TAF1: variants seen among roughly 807,000 people sequenced by gnomAD.
TAF1 encodes the protein TATA-box binding protein associated factor 1.
TAF1 carries 2 observed loss-of-function variants against 138.5 expected under a neutral mutation model. The observed-to-expected ratio is 0.01, with a 90% CI of 0.01 to 0.05. The LOEUF (loss-of-function observed/expected upper bound fraction) is 0.05, where lower values mean the gene tolerates loss of function less well. TAF1 is among the 10% of genes least tolerant of loss of function. The pLI is 1.00. For synonymous variants in TAF1, 437 were observed against 503.2 expected, an observed-to-expected ratio of 0.87 and a Z score of 1.76; for missense variants, 709 against 1,478.0, an observed-to-expected ratio of 0.48 and a Z score of 8.53.
chrX:71,440,552 A>G (rs1469458684), intron 32 of TAF1, among the ~76,000 whole-genome samples: 3 of 108,886 alleles, frequency 2.8e-5, no homozygotes, highest in African/African-American at 1.0e-4. Flanking sequence ...TGGCATTGTA[A>G]TAAGGCTTGA....
At chrX:71,402,023 T>A (rs941506928) in intron 25 of TAF1, among the ~76,000 whole-genome samples, 1 of 112,293 alleles carries the variant, frequency 8.9e-6, no homozygotes, top group African/African-American at 3.2e-5. Flanking sequence ...TGAGACAGAC[T>A]ACAAAGCATA....
At chrX:71,428,905 T>C (rs996123145) in intron 32 of TAF1, among the ~76,000 whole-genome samples, 24 of 111,768 alleles carry the variant, frequency 2.1e-4, no homozygotes, top group Non-Finnish European at 4.0e-4. Context: ...GTGATAATAG[T>C]GGTTATTTCT....
intron 8 of TAF1, among the ~76,000 whole-genome samples, chrX:71,379,516 A>G (rs2033723689): frequency 9.2e-6 from 1 of 109,248 alleles, no homozygotes; most frequent in African/African-American, 3.3e-5. Flanking sequence ...CTCAACCTGG[A>G]GGAAGATAGT....
At chrX:71,375,720 C>T (rs1052199766) in intron 4 of TAF1, among the ~76,000 whole-genome samples, 11 of 112,009 alleles carry the variant, frequency 9.8e-5, no homozygotes, top group African/African-American at 2.9e-4. Flanking sequence ...GCAACCTCCG[C>T]CTCCCGGGTT....
intron 24 of TAF1, 146 bp downstream of exon 24, chrX:71,398,883 G>A: frequency 1.2e-6 from 1 of 837,894 alleles, no homozygotes; most frequent in Non-Finnish European, 1.6e-6. Context: ...ACTTGGGGGT[G>A]TTCTCAATAC....
rs1266396617 is a variant in TAF1 at position 71,454,762 on chromosome X, C to T, written c.4843C>T (p.Leu1615Phe). The change falls in exon 34 of 38, where the codon CTT (leucine) becomes TTT (phenylalanine). Residue 1615 changes from leucine (L) to phenylalanine (F), a missense_variant. By Grantham distance (22) the Leu-to-Phe change is conservative. Around this residue, in one of 14 missense-constraint regions of TAF1, gnomAD observed 6 missense variants for 30.2 expected, o/e 0.20. Coordinates refer to ENST00000423759, the MANE Select transcript of TAF1 (RefSeq NM_004606.5). ...LTEYDEHLTQ[L>F]EKDICTAKEA... is the part of the protein sequence containing the mutation. ...TCAGTATGATGAACATTTGACTCAA[C>T]TTGAGAAGGATATTTGTACTGCTAA... is the stretch of plus-strand genomic sequence containing the variant. 8.3e-7 allele frequency: 1 copy of T among 1,208,542 alleles called. No individual in the cohort carries two copies. The highest frequency in any genetic ancestry group is 2.2e-5 in the Admixed American group (1 of 45,355).
At chrX:71,450,089 T>A (rs909721951) in intron 32 of TAF1, among the ~76,000 whole-genome samples, 5 of 112,122 alleles carry the variant, frequency 4.5e-5, no homozygotes. Flanking sequence ...TCTTGACAAT[T>A]GACTTTTCTT....
intron 13 of TAF1, among the ~76,000 whole-genome samples, chrX:71,503,666 C>T (rs918465981): frequency 9.1e-6 from 1 of 109,704 alleles, no homozygotes; most frequent in East Asian, 2.9e-4. Flanking sequence ...AAATCCTTCA[C>T]GGAGAATGCT....
chrX:71,372,724 T>C (rs1365084093), intron 3 of TAF1, among the ~76,000 whole-genome samples: 1 of 111,282 alleles, frequency 9.0e-6, no homozygotes, highest in East Asian at 2.8e-4. Context: ...GCTTGCATTC[T>C]GATTTTGTCA....
At position 71,366,486 on chromosome X, in the gene TAF1, T is replaced by G; in HGVS notation, c.112T>G (p.Leu38Val). ...GAGQLEGESV[L>V]DDECKKHLAG... ...CGGGCAGCTGGAGGGGGAAAGCGTC[T>G]TGGATGATGTGAGGGGGTGGGCGTG... The change falls in exon 1 of 38, where the codon TTG (leucine) becomes GTG (valine). Residue 38 changes from leucine (L) to valine (V), a missense_variant. This residue lies in a region of TAF1 where 123 missense variants were observed against 161.6 expected (regional missense o/e 0.76). Transcript: ENST00000423759. 8.9e-7 allele frequency: 1 copy of G among 1,126,887 alleles called. No homozygotes were observed. The highest frequency in any genetic ancestry group is 1.2e-6 in the Non-Finnish European group (1 of 851,332). 92.9% of individuals were successfully genotyped at this position (1,126,887 alleles called of 1,213,427 possible).
Position 71,377,034 on chromosome X carries a change from C to G in TAF1, c.557C>G (p.Ser186Cys). 2 of 1,211,739 alleles carry G rather than the reference C, an allele frequency of 1.7e-6. No individual in the cohort carries two copies. Among genetic ancestry groups the G allele is most frequent in the Non-Finnish European group, 2.2e-6 (2 of 895,573 alleles). Residue 186 changes from serine to cysteine, a missense_variant, in exon 5 of 38, where the codon TCC becomes TGC. Physicochemically the swap from Ser to Cys is moderately radical, Grantham distance 112. Transcript: ENST00000423759. ...TCAGAGAAAGTGGACTTCAGTAGTT[C>G]CTCTGACTCAGAATCTGAGATGGGA... is the stretch of plus-strand genomic sequence containing the variant. The part of the protein sequence containing the change: ...LASEKVDFSS[S>C]SDSESEMGPQ...
chrX:71,448,285 T>C (rs970474279), intron 32 of TAF1, among the ~76,000 whole-genome samples: 2 of 111,826 alleles, frequency 1.8e-5, no homozygotes, highest in Non-Finnish European at 3.8e-5. Context: ...CTTGGATTCC[T>C]CATTTCTTCC....
At position 71,464,216 on chromosome X, in the gene TAF1, A is replaced by G. The variant is rs935336490; in HGVS notation, c.*170A>G. 4.9e-5 allele frequency: 23 copies of G among 469,961 alleles called. No individual in the cohort carries two copies. The highest frequency in any genetic ancestry group is 7.4e-5 in the Non-Finnish European group (21 of 281,944). 38.7% of individuals were successfully genotyped at this position (469,961 alleles called of 1,213,427 possible). On this transcript the variant is annotated 3_prime_UTR_variant, in exon 38 of 38. Transcript: ENST00000423759. ...TAAATGATAATAAATCACCTCTCCTAATCTTCCTGGGGCAATGTCACCCTT... is the reference window on the plus strand; with the variant it reads ...TAAATGATAATAAATCACCTCTCCTGATCTTCCTGGGGCAATGTCACCCTT...
At chrX:71,501,150 G>A (rs2039497907) in intron 13 of TAF1, among the ~76,000 whole-genome samples, 1 of 110,408 alleles carries the variant, frequency 9.1e-6, no homozygotes, top group Admixed American at 9.8e-5. Context: ...AGGGTTGGAA[G>A]AGTGATGCCT....
At chrX:71,493,632 C>T (rs1022398107) in intron 13 of TAF1, among the ~76,000 whole-genome samples, 1 of 112,454 alleles carries the variant, frequency 8.9e-6, no homozygotes, top group Non-Finnish European at 1.9e-5. Flanking sequence ...GTGTAAGGCA[C>T]TAGAGGTCAG....
intron 13 of TAF1, among the ~76,000 whole-genome samples, chrX:71,505,775 C>G (rs1360257198): frequency 9.0e-6 from 1 of 111,161 alleles, no homozygotes; most frequent in South Asian, 3.8e-4. Context: ...AATCCCAGCA[C>G]TTTGGGAGGC....
intron 13 of TAF1, chrX:71,491,040 G>GTTTTTTTTTTTTTTTTTT (rs1210295875): frequency 1.4e-5 from 1 of 69,743 alleles, no homozygotes. Context: ...TGTTGTTGTT[G>GTTTTTTTTTTTTTTTTTT]TTGTTTTTTT....
At chrX:71,405,536 A>G (rs1232047936) in intron 25 of TAF1, among the ~76,000 whole-genome samples, 1 of 111,308 alleles carries the variant, frequency 9.0e-6, no homozygotes, top group Admixed American at 9.6e-5. Context: ...TTTTTAGTAG[A>G]GATGGGGTTT....
intron 13 of TAF1, among the ~76,000 whole-genome samples, chrX:71,511,922 G>C (rs950070313): frequency 9.2e-6 from 1 of 108,787 alleles, no homozygotes; most frequent in Non-Finnish European, 1.9e-5. Flanking sequence ...AGGCTGAGGT[G>C]GGAGAAACAC....
Sources: allele counts gnomAD v4.1 joint callset (sites outside exome capture counted in the v4.1 genomes callset), GRCh38; gene constraint gnomAD v4.1.1; regional missense constraint gnomAD v4.1.1; transcripts MANE v1.5; gene names NCBI Gene and HGNC (gene_info 2026-07-23, HGNC 2026-07-21).